The following RPS6KC1 variants were observed in gnomAD, a reference collection of about 807,000 sequenced individuals.
The protein encoded by RPS6KC1 is ribosomal protein S6 kinase C1.
Under a neutral mutation model 103.8 loss-of-function variants are expected in RPS6KC1, and 54 were observed. The ratio of observed to expected loss-of-function variants is 0.52; its 90% confidence interval spans 0.42 to 0.65. The LOEUF is 0.65. Among genes scored for constraint, RPS6KC1 ranks in the 30% least tolerant of loss-of-function variants. RPS6KC1 has a pLI of 0.00. For synonymous variants in RPS6KC1, 439 were observed against 438.7 expected, an observed-to-expected ratio of 1.00 and a Z score of -0.01; for missense variants, 1,151 against 1,253.8, an observed-to-expected ratio of 0.92 and a Z score of 1.24.
the RPS6KC1 span, chr1:213,822,353 C>T: frequency 6.6e-6 from 1 of 152,080 alleles, no homozygotes; most frequent in Non-Finnish European, 1.5e-5. Context: ...TCTATTCCAC[C>T]TGCCTTTGTC....
At chr1:213,813,843 C>T in the RPS6KC1 span, among the ~76,000 whole-genome samples, 4 of 152,156 alleles carry the variant, frequency 2.6e-5, no homozygotes, top group Non-Finnish European at 5.9e-5. Flanking sequence ...ATGCCCAGAT[C>T]ACTGTGGTTT....
At chr1:213,432,124 T>C in the RPS6KC1 span, among the ~76,000 whole-genome samples, 1 of 152,248 alleles carries the variant, frequency 6.6e-6, no homozygotes, top group Non-Finnish European at 1.5e-5. Flanking sequence ...TTGGGTTCTC[T>C]ACTTTTTTGA....
the RPS6KC1 span, among the ~76,000 whole-genome samples, chr1:213,717,511 T>G: frequency 1.3e-5 from 2 of 152,152 alleles, no homozygotes; most frequent in South Asian, 4.2e-4. Flanking sequence ...TGAGTTTATA[T>G]GAGAGGGATG....
chr1:213,383,882 C>T, the RPS6KC1 span, among the ~76,000 whole-genome samples: 1 of 152,278 alleles, frequency 6.6e-6, no homozygotes, highest in Admixed American at 6.5e-5. Flanking sequence ...ACTTCCCAGC[C>T]TCTAGAACTA....
chr1:213,489,105 A>G, the RPS6KC1 span, among the ~76,000 whole-genome samples: 3 of 152,206 alleles, frequency 2.0e-5, no homozygotes, highest in Admixed American at 2.0e-4. Flanking sequence ...ACATACATAC[A>G]TGCAAGAAAA....
chr1:213,075,828 AC>A (rs2079286389), intron 2 of RPS6KC1, among the ~76,000 whole-genome samples: 1 of 151,846 alleles, frequency 6.6e-6, no homozygotes, highest in Non-Finnish European at 1.5e-5. Flanking sequence ...TAGAAACTTC[AC>A]CCCCGGTGCC....
At chr1:213,291,407 C>G in the RPS6KC1 span, among the ~76,000 whole-genome samples, 2 of 152,234 alleles carry the variant, frequency 1.3e-5, no homozygotes, top group Admixed American at 6.5e-5. Flanking sequence ...ACTTCGCTAA[C>G]TTGATTCTTT....
At chr1:213,524,549 T>C in the RPS6KC1 span, among the ~76,000 whole-genome samples, 145 of 152,286 alleles carry the variant, frequency 9.5e-4, 1 homozygote, top group African/African-American at 3.4e-3. Flanking sequence ...CCTTCTTCTG[T>C]CATTGAGGAC....
chr1:213,609,954 G>A, the RPS6KC1 span, among the ~76,000 whole-genome samples: 1 of 151,672 alleles, frequency 6.6e-6, no homozygotes, highest in Non-Finnish European at 1.5e-5. Flanking sequence ...ATAATCTTCT[G>A]TAAAAACCAG....
chr1:213,590,557 G>A, the RPS6KC1 span, among the ~76,000 whole-genome samples: 1 of 152,174 alleles, frequency 6.6e-6, no homozygotes, highest in East Asian at 1.9e-4. Context: ...CAGAGGACAT[G>A]TGGGAGCTCA....
chr1:213,753,498 T>G, the RPS6KC1 span, among the ~76,000 whole-genome samples: 3 of 152,262 alleles, frequency 2.0e-5, no homozygotes, highest in South Asian at 6.2e-4. Context: ...CCCTACTAGA[T>G]TGCCCTGTGC....
At chr1:213,654,158 A>AT in the RPS6KC1 span, among the ~76,000 whole-genome samples, 2 of 151,968 alleles carry the variant, frequency 1.3e-5, no homozygotes, top group East Asian at 1.9e-4. Flanking sequence ...AGCTCCAAGT[A>AT]TTTTTTTTCT....
chr1:213,066,739 G>A (rs76823502), intron 1 of RPS6KC1, among the ~76,000 whole-genome samples: 5,192 of 152,238 alleles, frequency 0.034, 121 homozygotes, highest in Middle Eastern at 0.054. Flanking sequence ...GATTATCTAT[G>A]GGAAAACAGG....
the RPS6KC1 span, among the ~76,000 whole-genome samples, chr1:213,782,353 A>C: frequency 6.6e-6 from 1 of 152,184 alleles, no homozygotes; most frequent in African/African-American, 2.4e-5. Flanking sequence ...CTAGGAAATG[A>C]AGGAGAGTCC....
chr1:213,267,452 G>A (rs898385076), intron 14 of RPS6KC1, among the ~76,000 whole-genome samples: 4 of 151,940 alleles, frequency 2.6e-5, no homozygotes, highest in Non-Finnish European at 5.9e-5. Flanking sequence ...TCAGACTCTA[G>A]AGTTGCTAAA....
the RPS6KC1 span, among the ~76,000 whole-genome samples, chr1:213,464,038 T>C: frequency 3.9e-5 from 6 of 152,338 alleles, 1 homozygote; most frequent in African/African-American, 9.6e-5. Context: ...TAAAAGCTCA[T>C]AGAATAAAGT....
the RPS6KC1 span, among the ~76,000 whole-genome samples, chr1:213,454,969 A>G: frequency 6.6e-6 from 1 of 152,166 alleles, no homozygotes; most frequent in Non-Finnish European, 1.5e-5. Context: ...GATCTACTTT[A>G]GCAGTGCCTC....
intron 14 of RPS6KC1, among the ~76,000 whole-genome samples, chr1:213,269,249 GT>G (rs2094984534): frequency 6.6e-6 from 1 of 152,166 alleles, no homozygotes; most frequent in Non-Finnish European, 1.5e-5. Flanking sequence ...TAGTACAGGG[GT>G]AGCTGTAACA....
the RPS6KC1 span, among the ~76,000 whole-genome samples, chr1:213,545,862 T>G: frequency 6.6e-6 from 1 of 152,164 alleles, no homozygotes; most frequent in Non-Finnish European, 1.5e-5. Flanking sequence ...ATTCCTCTTG[T>G]GTGTGTTCCC....
Sources: allele counts gnomAD v4.1 joint callset (sites outside exome capture counted in the v4.1 genomes callset), GRCh38; gene constraint gnomAD v4.1.1; transcripts MANE v1.5; gene names NCBI Gene and HGNC (gene_info 2026-07-23, HGNC 2026-07-21).